The following TFCP2 variants were observed in gnomAD, a reference collection of about 807,000 sequenced individuals.
The protein encoded by TFCP2 is transcription factor CP2, also known as alpha-globin transcription factor CP2.
TFCP2 carries 33 observed loss-of-function variants against 73.4 expected under a neutral mutation model. The ratio of observed to expected loss-of-function variants is 0.45; its 90% CI spans 0.34 to 0.60. The LOEUF (loss-of-function observed/expected upper bound fraction) is 0.60. TFCP2 is among the 20% of genes least tolerant of loss of function. The pLI is 0.01. For missense variants in TFCP2, 352 were observed against 604.0 expected (o/e 0.58, Z 4.37); for synonymous variants, 193 against 211.6 (o/e 0.91, Z 0.76).
intron 1 of TFCP2, among the ~76,000 whole-genome samples, chr12:51,146,607 A>T (rs904617246): frequency 3.3e-5 from 5 of 152,188 alleles, no homozygotes; most frequent in Non-Finnish European, 7.3e-5. Flanking sequence ...ATAATTTAGC[A>T]TTATCTTGTA....
chr12:51,148,622 C>A (rs1941349371), intron 1 of TFCP2, among the ~76,000 whole-genome samples: 2 of 150,710 alleles, frequency 1.3e-5, no homozygotes, highest in East Asian at 3.9e-4. Context: ...ATCACTTGAA[C>A]CCAGGAGGAA....
chr12:51,100,351 T>C (rs1940079794), intron 11 of TFCP2, among the ~76,000 whole-genome samples: 1 of 152,174 alleles, frequency 6.6e-6, no homozygotes, highest in African/African-American at 2.4e-5. Flanking sequence ...TAGAGAAAGG[T>C]ATTCAACTAC....
At chr12:51,129,984 CA>C (rs10715341) in intron 1 of TFCP2, among the ~76,000 whole-genome samples, 138,408 of 151,586 alleles carry the variant, frequency 0.91, 63,586 homozygotes, top group Non-Finnish European at 0.97. Flanking sequence ...CCCATCTCTA[CA>C]AAAAAAAATT....
intron 1 of TFCP2, among the ~76,000 whole-genome samples, chr12:51,162,117 T>C (rs1390064369): frequency 4.6e-5 from 7 of 151,952 alleles, no homozygotes; most frequent in Admixed American, 4.6e-4. Flanking sequence ...TGAAATTACT[T>C]AAGCTAAGGA....
At chr12:51,141,732 T>C (rs1941195558) in intron 1 of TFCP2, among the ~76,000 whole-genome samples, 1 of 150,300 alleles carries the variant, frequency 6.7e-6, no homozygotes, top group Non-Finnish European at 1.5e-5. Context: ...AAAACTCATC[T>C]CTACTAAAAA....
chr12:51,117,861 T>C (rs1940568031), intron 2 of TFCP2, 114 bp from the exon 3 acceptor site: 3 of 653,914 alleles, frequency 4.6e-6, no homozygotes, highest in Non-Finnish European at 7.7e-6. Context: ...TTATTAGTAT[T>C]AGTAACAACA....
chr12:51,121,640 A>G (rs1169569928), intron 1 of TFCP2, among the ~76,000 whole-genome samples: 1 of 151,026 alleles, frequency 6.6e-6, no homozygotes, highest in Admixed American at 6.6e-5. Flanking sequence ...TAACTTTTGT[A>G]TTTTTAGTAG....
chr12:51,115,061 C>A (rs1188586266), intron 4 of TFCP2, among the ~76,000 whole-genome samples: 1 of 1,652 alleles, frequency 6.1e-4, no homozygotes, highest in Admixed American at 0.023. Context: ...AACTCCATCT[C>A]AGGAAAAAAA....
At chr12:51,157,331 T>C (rs999648631) in intron 1 of TFCP2, among the ~76,000 whole-genome samples, 2 of 152,036 alleles carry the variant, frequency 1.3e-5, no homozygotes, top group African/African-American at 4.8e-5. Flanking sequence ...CCATGATCTC[T>C]CTTTTTAAGA....
intron 1 of TFCP2, among the ~76,000 whole-genome samples, chr12:51,122,388 A>C (rs569983578): frequency 6.7e-6 from 1 of 149,526 alleles, no homozygotes; most frequent in African/African-American, 2.5e-5. Flanking sequence ...CTTCCCGGGT[A>C]GCTGGGATTA....
chr12:51,109,097 G>T, intron 6 of TFCP2, 24 bp downstream of exon 6: 1 of 1,611,714 alleles, frequency 6.2e-7, no homozygotes, highest in South Asian at 1.1e-5. Context: ...AGAATCCAAG[G>T]GCCAGCACAT....
At chr12:51,095,942 G>T (rs773897007) in intron 14 of TFCP2, 47 bp downstream of exon 14, 2 of 1,509,316 alleles carry the variant, frequency 1.3e-6, no homozygotes, top group East Asian at 2.3e-5. Flanking sequence ...CCTAGTAGTA[G>T]TAAAGCTGTT....
Position 51,102,634 on chromosome 12 carries a change from A to C in TFCP2, c.1061-609T>G, listed in dbSNP as rs573325766. Among the ~76,000 whole-genome samples, 12 of 152,162 alleles carry C rather than the reference A, an allele frequency of 7.9e-5. No individual in the cohort carries two copies. The South Asian group carries it at 2.5e-3, about 32-fold the overall frequency. Reference sequence around the variant, plus strand: ...CCAGCTACTCGGGGGCTGAGGCAGGAGAATCGCTTGAACCCAGGAGGTAGA... The same window carrying C: ...CCAGCTACTCGGGGGCTGAGGCAGGCGAATCGCTTGAACCCAGGAGGTAGA... On this transcript the variant is annotated intron_variant, in intron 10 of 14. Coordinates refer to ENST00000257915, the MANE Select transcript of TFCP2 (RefSeq NM_005653.5).
rs750692418 is a variant in TFCP2, at chr12:51,103,669, C to T, written c.1060+1G>A. 6.2e-7 allele frequency: 1 copy of T among 1,611,978 alleles called. No homozygotes were observed. The highest frequency in any genetic ancestry group is 8.5e-7 in the Non-Finnish European group (1 of 1,179,230). ...AAAACAAAAGAAAAAGAAAATTTAACCTGAGAAGTTTGTGAAAAGCCTTGT... is the reference window on the plus strand; with the variant it reads ...AAAACAAAAGAAAAAGAAAATTTAATCTGAGAAGTTTGTGAAAAGCCTTGT... On this transcript the variant is annotated splice_donor_variant, in intron 10 of 14. Coordinates refer to ENST00000257915, the MANE Select transcript of TFCP2 (RefSeq NM_005653.5). LOFTEE classifies it high-confidence loss of function.
intron 2 of TFCP2, 27 bp downstream of exon 2, chr12:51,118,594 G>C: frequency 6.2e-7 from 1 of 1,611,208 alleles, no homozygotes; most frequent in Non-Finnish European, 8.5e-7. Context: ...GTCTGCAATA[G>C]TACTAATGAA....
intron 11 of TFCP2, among the ~76,000 whole-genome samples, chr12:51,100,378 C>T (rs1365935896): frequency 6.6e-6 from 1 of 152,174 alleles, no homozygotes; most frequent in East Asian, 1.9e-4. Flanking sequence ...ATCTGATCAT[C>T]TTACTCCTTC....
chr12:51,097,017 G>A (rs558379724), intron 13 of TFCP2, among the ~76,000 whole-genome samples: 3 of 151,018 alleles, frequency 2.0e-5, no homozygotes, highest in East Asian at 1.9e-4. Context: ...AGGCTGGAGC[G>A]CAATGCCCCC....
chr12:51,104,396 G>GGA (rs1940180467), intron 8 of TFCP2, among the ~76,000 whole-genome samples, 193 bp from the exon 9 acceptor site: 1 of 151,962 alleles, frequency 6.6e-6, no homozygotes, highest in Non-Finnish European at 1.5e-5. Context: ...ATGAGGAGGG[G>GGA]GAGAAACTAT....
intron 1 of TFCP2, among the ~76,000 whole-genome samples, chr12:51,140,535 C>G (rs558601563): frequency 6.8e-6 from 1 of 147,430 alleles, no homozygotes; most frequent in African/African-American, 2.5e-5. Context: ...ATCCTCCCAC[C>G]TCAGCCTCCC....
Sources: allele counts gnomAD v4.1 joint callset (sites outside exome capture counted in the v4.1 genomes callset), GRCh38; gene constraint gnomAD v4.1.1; transcripts MANE v1.5; gene names NCBI Gene and HGNC (gene_info 2026-07-23, HGNC 2026-07-21).